ZNF804A: variants seen among roughly 807,000 people sequenced by gnomAD.
The protein encoded by ZNF804A is zinc finger protein 804A.
Under a neutral mutation model 16.5 loss-of-function variants are expected in ZNF804A, and 2 were observed. That is an observed-to-expected ratio of 0.12 (90% CI 0.05 to 0.38). The LOEUF (loss-of-function observed/expected upper bound fraction) is 0.38. Ranked by LOEUF, ZNF804A falls within the 10% of genes least tolerant of loss-of-function variation. The pLI, the probability that ZNF804A is intolerant of heterozygous loss-of-function variation, is 0.99. For synonymous variants in ZNF804A, 534 were observed against 489.6 expected (o/e 1.09, Z -1.20); for missense variants, 1,473 against 1,390.7 (o/e 1.06, Z -0.94).
At chr2:184,673,508 G>T (rs1368749649) in intron 1 of ZNF804A, among the ~76,000 whole-genome samples, 1 of 152,142 alleles carries the variant, frequency 6.6e-6, no homozygotes, top group Non-Finnish European at 1.5e-5. Context: ...GCACCTAATT[G>T]TCCAAGGCCT....
intron 2 of ZNF804A, among the ~76,000 whole-genome samples, chr2:184,893,987 C>T (rs551711011): frequency 6.6e-6 from 1 of 152,208 alleles, no homozygotes; most frequent in South Asian, 2.1e-4. Context: ...ATGCTGTGCA[C>T]ATAAAATTCT....
rs144341186 is a variant in ZNF804A, at chr2:184,917,430, T to C, written c.256-16173T>C. 6.7e-3 allele frequency among the ~76,000 whole-genome samples: 1,023 copies of C among 152,136 alleles called. 4 individuals are homozygous for C. Among genetic ancestry groups the C allele is most frequent in the Non-Finnish European group, 0.01 (704 of 67,982 alleles). On this transcript the variant is annotated intron_variant, in intron 2 of 3. Transcript: ENST00000302277. ...ATGATGTTATTCAATACATATTATG[T>C]CATATCATAAAAGGATAAAAAGAAA...
In ZNF804A at chr2:184,757,648, A is replaced by G. The variant is rs957453493; in HGVS notation, c.112-108721A>G. 3.9e-5 allele frequency among the ~76,000 whole-genome samples: 6 copies of G among 152,148 alleles called. No individual in the cohort carries two copies. The East Asian group carries it at 7.8e-4, about 20-fold the overall frequency. On this transcript the variant is annotated intron_variant, in intron 1 of 3. Coordinates refer to ENST00000302277, the MANE Select transcript of ZNF804A (RefSeq NM_194250.2). ...TTTGAAAGTTGTTTTGTTTGTCATT[A>G]TAGTTTGAAGAGTAGAACATTCACC... is the stretch of plus-strand genomic sequence containing the variant.
At chr2:184,610,869 G>C (rs569129678) in intron 1 of ZNF804A, among the ~76,000 whole-genome samples, 2 of 152,180 alleles carry the variant, frequency 1.3e-5, no homozygotes, top group Non-Finnish European at 2.9e-5. Flanking sequence ...GTTATCTTTA[G>C]ATAAAAGATA....
rs528045077 is a variant in ZNF804A, at chr2:184,713,639, A to T, written c.111+114569A>T. On this transcript the variant is annotated intron_variant, in intron 1 of 3. Transcript: ENST00000302277. ...CAATATCTAATTCTTAGTTTTGGAG[A>T]ATATTTTAAGACAAAATAAAAGTAT... is the stretch of plus-strand genomic sequence containing the variant. Among the ~76,000 whole-genome samples the T allele has an allele frequency of 3.9e-5, 6 of 152,080 alleles. No individual in the cohort carries two copies. The East Asian group carries it at 9.7e-4, about 24-fold the overall frequency.
Position 184,696,322 on chromosome 2 carries a change from T to G in ZNF804A, c.111+97252T>G, listed in dbSNP as rs545066342. Among the ~76,000 whole-genome samples the G allele has an allele frequency of 1.0e-3, 152 of 152,164 alleles. 1 individual carries two copies. The highest frequency in any genetic ancestry group is 6.8e-3 in the Middle Eastern group (2 of 294). ...AGCTGGAAAAAAACAGGCAACAACA[T>G]CAAATCCAAGTTAGGATTGAAATCT... is the stretch of plus-strand genomic sequence containing the variant. On this transcript the variant is annotated intron_variant, in intron 1 of 3. Transcript: ENST00000302277.
chr2:184,876,017 A>G lies in ZNF804A; in HGVS notation c.255+9505A>G, dbSNP rs78190833. Among the ~76,000 whole-genome samples the G allele has an allele frequency of 9.2e-3, 1,403 of 152,210 alleles. 23 individuals carry two copies. Among genetic ancestry groups the G allele is most frequent in the African/African-American group, 0.032 (1,322 of 41,520 alleles). On this transcript the variant is annotated intron_variant, in intron 2 of 3. Transcript: ENST00000302277. ...CTTGATTTTTGCTTTAGTGGTTTCA[A>G]TGTAACTGAAATACCTCCCAACAGG...
chr2:184,738,278 C>CT (rs542292877), intron 1 of ZNF804A, among the ~76,000 whole-genome samples: 23 of 151,712 alleles, frequency 1.5e-4, no homozygotes, highest in Middle Eastern at 3.4e-3. Flanking sequence ...ATGAGCACTG[C>CT]TAAAAAAAAA....
At chr2:184,927,539 C>T (rs1685629984) in intron 2 of ZNF804A, among the ~76,000 whole-genome samples, 1 of 152,218 alleles carries the variant, frequency 6.6e-6, no homozygotes, top group Admixed American at 6.5e-5. Flanking sequence ...TTACTAATGG[C>T]TGGTGTCCTA....
At chr2:184,635,006 T>G (rs1574140559) in intron 1 of ZNF804A, among the ~76,000 whole-genome samples, 1 of 152,318 alleles carries the variant, frequency 6.6e-6, no homozygotes, top group Non-Finnish European at 1.5e-5. Context: ...TCACAGAGAT[T>G]GTATCTTTCC....
intron 1 of ZNF804A, among the ~76,000 whole-genome samples, chr2:184,662,990 A>G (rs1185825835): frequency 1.3e-5 from 2 of 152,208 alleles, no homozygotes; most frequent in African/African-American, 4.8e-5. Context: ...CATACAAGAT[A>G]TTTATCATTG....
Position 184,605,411 on chromosome 2 carries a change from A to G in ZNF804A, c.111+6341A>G, listed in dbSNP as rs532621771. Among the ~76,000 whole-genome samples the G allele has an allele frequency of 6.0e-4, 91 of 152,258 alleles. 1 individual carries two copies. The highest frequency in any genetic ancestry group is 2.9e-3 in the South Asian group (14 of 4,826). ...TATCTCATTCTAAATTATCTACTGTATCTGAGAAAATGTTACAATACATAG... is the reference window on the plus strand; with the variant it reads ...TATCTCATTCTAAATTATCTACTGTGTCTGAGAAAATGTTACAATACATAG... On this transcript the variant is annotated intron_variant, in intron 1 of 3. Transcript: ENST00000302277.
intron 1 of ZNF804A, among the ~76,000 whole-genome samples, chr2:184,653,820 C>T (rs898299809): frequency 3.3e-5 from 5 of 152,156 alleles, no homozygotes; most frequent in Admixed American, 2.6e-4. Context: ...AATGTCCATG[C>T]CCATTGGCCC....
chr2:184,626,462 C>T (rs939976098), intron 1 of ZNF804A, among the ~76,000 whole-genome samples: 5 of 152,074 alleles, frequency 3.3e-5, no homozygotes, highest in Admixed American at 2.6e-4. Context: ...TTTTCATAAA[C>T]TTAAATAATT....
In ZNF804A at chr2:184,668,155, A is replaced by C. The variant is rs969917938; in HGVS notation, c.111+69085A>C. ...TTTCTATGTGTTAATGTTTATTTTA[A>C]AAAATGTTTAATAAATTATAATTGT... On this transcript the variant is annotated intron_variant, in intron 1 of 3. Transcript: ENST00000302277. Among the ~76,000 whole-genome samples the C allele has an allele frequency of 5.9e-5, 9 of 151,832 alleles. 1 individual carries two copies. The highest frequency in any genetic ancestry group is 2.2e-4 in the African/African-American group (9 of 41,440).
chr2:184,894,637 G>A (rs1384063341), intron 2 of ZNF804A, among the ~76,000 whole-genome samples: 2 of 151,726 alleles, frequency 1.3e-5, no homozygotes, highest in East Asian at 3.9e-4. Context: ...TATATTACAC[G>A]TTAAGCGAAT....
intron 3 of ZNF804A, 34 bp from the exon 4 acceptor site, chr2:184,935,749 G>A (rs1685774318): frequency 3.3e-6 from 5 of 1,510,046 alleles, no homozygotes; most frequent in Non-Finnish European, 3.5e-6. Flanking sequence ...TCAAAAGTGT[G>A]CTATTTAACA....
At chr2:184,698,384 T>G (rs1692868133) in intron 1 of ZNF804A, among the ~76,000 whole-genome samples, 1 of 152,110 alleles carries the variant, frequency 6.6e-6, no homozygotes, top group Non-Finnish European at 1.5e-5. Context: ...TCAGTAATAT[T>G]ACGGAGAAAG....
At chr2:184,740,943 G>A (rs1195958673) in intron 1 of ZNF804A, among the ~76,000 whole-genome samples, 1 of 152,120 alleles carries the variant, frequency 6.6e-6, no homozygotes, top group African/African-American at 2.4e-5. Flanking sequence ...GGAGTGTAGT[G>A]CAAGGATTAA....
Sources: allele counts gnomAD v4.1 joint callset (sites outside exome capture counted in the v4.1 genomes callset), GRCh38; gene constraint gnomAD v4.1.1; transcripts MANE v1.5; gene names NCBI Gene and HGNC (gene_info 2026-07-23, HGNC 2026-07-21).